Variants in PTPRM observed in about 807,000 individuals in gnomAD.
PTPRM encodes protein tyrosine phosphatase receptor type M.
Under a neutral mutation model 186.7 loss-of-function variants are expected in PTPRM, and 47 were observed. The observed-to-expected ratio is 0.25, with a 90% CI of 0.20 to 0.32. The LOEUF is 0.32. Ranked by LOEUF, PTPRM falls within the 10% of genes least tolerant of loss-of-function variation. The probability of loss-of-function intolerance (pLI) is 1.00; values close to 1 mark genes in which losing one functional copy is unlikely to be tolerated. For synonymous variants in PTPRM, 668 were observed against 674.9 expected, an observed-to-expected ratio of 0.99 and a Z score of 0.16; for missense variants, 1,494 against 1,865.0, an observed-to-expected ratio of 0.80 and a Z score of 3.66.
chr18:8,378,200 T>C, intron 26 of PTPRM, 65 bp from the exon 27 acceptor site: 8 of 1,483,432 alleles, frequency 5.4e-6, no homozygotes, highest in Non-Finnish European at 7.4e-6. Context: ...GGGCTAAAAT[T>C]GATACCGTCT....
At chr18:7,725,231 G>A (rs1174934386) in intron 1 of PTPRM, among the ~76,000 whole-genome samples, 1 of 152,114 alleles carries the variant, frequency 6.6e-6, no homozygotes, top group Non-Finnish European at 1.5e-5. Flanking sequence ...TTTTTGGGGG[G>A]TCCTTTTGTA....
intron 7 of PTPRM, among the ~76,000 whole-genome samples, chr18:8,059,437 A>G (rs1225172489): frequency 1.9e-5 from 1 of 53,630 alleles, no homozygotes; most frequent in African/African-American, 9.1e-5. Context: ...CTAATTGAAT[A>G]CCCTTTATTT....
chr18:7,608,021 T>C lies in PTPRM; in HGVS notation c.73+40130T>C, dbSNP rs565925020. Among the ~76,000 whole-genome samples, 66 of 152,316 alleles carry C rather than the reference T, an allele frequency of 4.3e-4. 1 individual carries two copies. The highest frequency in any genetic ancestry group is 1.6e-3 in the African/African-American group (66 of 41,588). ...TCTACAGGATCTCTCTCCCACCTGT[T>C]GCAGTAATGAGTGAAACCCTAAAGC... On this transcript the variant is annotated intron_variant, in intron 1 of 32. Transcript: ENST00000580170.
chr18:7,721,636 A>G (rs1176611297), intron 1 of PTPRM, among the ~76,000 whole-genome samples: 2 of 152,140 alleles, frequency 1.3e-5, no homozygotes, highest in Non-Finnish European at 2.9e-5. Flanking sequence ...GATATAAGGC[A>G]AGAGTGAAAA....
intron 14 of PTPRM, among the ~76,000 whole-genome samples, chr18:8,187,785 A>G (rs533551213): frequency 1.2e-4 from 19 of 152,200 alleles, no homozygotes; most frequent in Non-Finnish European, 2.5e-4. Context: ...GGCCCACCAT[A>G]GAGTGTACAG....
intron 32 of PTPRM, among the ~76,000 whole-genome samples, chr18:8,402,038 C>T (rs996348411): frequency 6.6e-6 from 1 of 152,190 alleles, no homozygotes; most frequent in Non-Finnish European, 1.5e-5. Context: ...AGGACCAAGG[C>T]CTAAACATTC....
intron 2 of PTPRM, among the ~76,000 whole-genome samples, chr18:7,838,141 G>A (rs921551590): frequency 2.0e-5 from 3 of 152,136 alleles, no homozygotes; most frequent in Admixed American, 1.3e-4. Flanking sequence ...ACATGGCTGG[G>A]GAGGCCTCAG....
intron 7 of PTPRM, among the ~76,000 whole-genome samples, chr18:7,988,914 A>G (rs188104690): frequency 2.0e-5 from 3 of 152,300 alleles, no homozygotes; most frequent in African/African-American, 7.2e-5. Flanking sequence ...CTTTTGATAC[A>G]AGTTAGATTT....
intron 14 of PTPRM, among the ~76,000 whole-genome samples, chr18:8,156,955 T>C (rs1382922677): frequency 6.6e-6 from 1 of 152,198 alleles, no homozygotes; most frequent in Non-Finnish European, 1.5e-5. Flanking sequence ...GAGGATGCTG[T>C]ATCCTCTTGT....
At chr18:7,954,841 A>T (rs1300847938) in intron 6 of PTPRM, among the ~76,000 whole-genome samples, 1 of 152,226 alleles carries the variant, frequency 6.6e-6, no homozygotes, top group Admixed American at 6.5e-5. Context: ...CAGATATGCT[A>T]ATTTGCATAT....
chr18:8,151,657 T>C (rs923749023), intron 14 of PTPRM, among the ~76,000 whole-genome samples: 1 of 149,808 alleles, frequency 6.7e-6, no homozygotes, highest in Non-Finnish European at 1.5e-5. Context: ...TGAATGATTC[T>C]GTCTCACTTG....
chr18:8,318,538 C>A (rs1468462554), intron 21 of PTPRM, among the ~76,000 whole-genome samples: 38 of 152,046 alleles, frequency 2.5e-4, no homozygotes, highest in Admixed American at 1.2e-3. Context: ...CTCAAGCAGT[C>A]TGCCTGCCTC....
intron 20 of PTPRM, among the ~76,000 whole-genome samples, chr18:8,305,395 CCTTA>C (rs113545957): frequency 0.022 from 3,297 of 152,226 alleles, 119 homozygotes; most frequent in African/African-American, 0.076. Context: ...GCTAACTTTC[CCTTA>C]CTTCTTATTG....
chr18:7,795,118 A>C (rs2043554097), intron 2 of PTPRM, among the ~76,000 whole-genome samples: 2 of 152,210 alleles, frequency 1.3e-5, no homozygotes, highest in Non-Finnish European at 2.9e-5. Flanking sequence ...GGCTTCACTC[A>C]GGCGTTTGGC....
intron 14 of PTPRM, among the ~76,000 whole-genome samples, chr18:8,182,668 T>G (rs1047277218): frequency 3.3e-5 from 5 of 152,172 alleles, no homozygotes; most frequent in Non-Finnish European, 5.9e-5. Context: ...GGACCACTAT[T>G]GCACTCTACT....
At chr18:7,959,515 TC>T (rs1288454678) in intron 7 of PTPRM, among the ~76,000 whole-genome samples, 2 of 152,240 alleles carry the variant, frequency 1.3e-5, no homozygotes, top group Admixed American at 6.5e-5. Flanking sequence ...TACCCATCAT[TC>T]CTGTGTGGCT....
At chr18:7,917,849 C>T (rs2050650480) in intron 4 of PTPRM, among the ~76,000 whole-genome samples, 1 of 152,170 alleles carries the variant, frequency 6.6e-6, no homozygotes, top group South Asian at 2.1e-4. Flanking sequence ...CCCTATCCAT[C>T]CCAGCCTTTG....
intron 3 of PTPRM, among the ~76,000 whole-genome samples, chr18:7,898,909 G>GT (rs2049512946): frequency 6.6e-6 from 1 of 152,174 alleles, no homozygotes; most frequent in African/African-American, 2.4e-5. Flanking sequence ...GAAATATGGG[G>GT]TTAGGTTCCT....
At chr18:7,642,222 G>T (rs1307978254) in intron 1 of PTPRM, among the ~76,000 whole-genome samples, 1 of 152,200 alleles carries the variant, frequency 6.6e-6, no homozygotes, top group Non-Finnish European at 1.5e-5. Context: ...TTTTAGGCAA[G>T]AAGTTTCCAG....
Sources: allele counts gnomAD v4.1 joint callset (sites outside exome capture counted in the v4.1 genomes callset), GRCh38; gene constraint gnomAD v4.1.1; transcripts MANE v1.5; gene names NCBI Gene and HGNC (gene_info 2026-07-23, HGNC 2026-07-21).